Variants in UBE2H observed in about 807,000 individuals in gnomAD.
The protein encoded by UBE2H is ubiquitin conjugating enzyme E2 H, also known as ubiquitin-conjugating enzyme E2 H.
UBE2H carries 3 observed loss-of-function variants against 29.0 expected under a neutral mutation model. The observed-to-expected ratio is 0.10, with a 90% confidence interval of 0.05 to 0.27. The LOEUF (loss-of-function observed/expected upper bound fraction) is 0.27, where lower values mean the gene tolerates loss of function less well. UBE2H is among the 10% of genes least tolerant of loss of function. The probability of loss-of-function intolerance (pLI) is 1.00; values close to 1 mark genes in which losing one functional copy is unlikely to be tolerated. For synonymous variants in UBE2H, 69 were observed against 82.9 expected (o/e 0.83, Z 0.91); for missense variants, 68 against 228.2 (o/e 0.30, Z 4.52).
At chr7:129,908,835 G>C (rs1180351733) in intron 1 of UBE2H, among the ~76,000 whole-genome samples, 1 of 152,136 alleles carries the variant, frequency 6.6e-6, no homozygotes, top group East Asian at 1.9e-4. Flanking sequence ...AAGAAATGGG[G>C]GGTCACAAGA....
At chr7:129,876,203 C>T (rs1806141431) in intron 3 of UBE2H, among the ~76,000 whole-genome samples, 1 of 152,140 alleles carries the variant, frequency 6.6e-6, no homozygotes, top group Admixed American at 6.6e-5. Flanking sequence ...ATCAAACATG[C>T]AGAATCTGTT....
At chr7:129,877,395 G>A (rs993810518) in intron 3 of UBE2H, among the ~76,000 whole-genome samples, 3 of 152,122 alleles carry the variant, frequency 2.0e-5, no homozygotes, top group Non-Finnish European at 4.4e-5. Flanking sequence ...AGGAATCCTT[G>A]CCTTTTCTAA....
chr7:129,896,156 G>A (rs771343067), intron 1 of UBE2H, among the ~76,000 whole-genome samples: 58 of 151,866 alleles, frequency 3.8e-4, no homozygotes, highest in Non-Finnish European at 7.2e-4. Flanking sequence ...CCAATGTGGC[G>A]AAACCCCGTC....
chr7:129,952,454 C>T (rs1355807122), intron 1 of UBE2H, 49 bp downstream of exon 1: 2 of 1,602,152 alleles, frequency 1.2e-6, no homozygotes, highest in South Asian at 1.1e-5. Context: ...CCTGGGCATC[C>T]CCACACCGCC....
At chr7:129,870,059 C>G (rs1278423324) in intron 3 of UBE2H, among the ~76,000 whole-genome samples, 1 of 152,186 alleles carries the variant, frequency 6.6e-6, no homozygotes, top group Admixed American at 6.5e-5. Flanking sequence ...AGATGAAAGC[C>G]AATTGGCAGG....
At chr7:129,941,806 T>C (rs957008405) in intron 1 of UBE2H, among the ~76,000 whole-genome samples, 10 of 152,106 alleles carry the variant, frequency 6.6e-5, no homozygotes, top group African/African-American at 2.2e-4. Flanking sequence ...TCAGAAAGAA[T>C]GTAACAACAA....
In UBE2H at chr7:129,834,797, A is replaced by G. The variant is rs1805292275; in HGVS notation, c.*140T>C. The G allele has an allele frequency of 1.1e-6, 1 of 921,058 alleles. No homozygotes were observed. Among genetic ancestry groups the G allele is most frequent in the Non-Finnish European group, 1.6e-6 (1 of 641,872 alleles). The allele number at this position is 921,058 out of a possible 1,614,324, so 57.1% of individuals were successfully genotyped here. ...AATCAAGATCTAAAGGGTGATATAT[A>G]ATATATATATATCAATGCTATTATT... On this transcript the variant is annotated 3_prime_UTR_variant, in exon 7 of 7. Coordinates refer to ENST00000355621, the MANE Select transcript of UBE2H (RefSeq NM_003344.4).
chr7:129,887,659 C>T (rs1050370886), intron 1 of UBE2H, among the ~76,000 whole-genome samples: 6 of 145,284 alleles, frequency 4.1e-5, no homozygotes, highest in African/African-American at 1.5e-4. Context: ...CAAAGACTGG[C>T]TGGGTGAGGT....
At chr7:129,867,341 C>T (rs1394094840) in intron 3 of UBE2H, among the ~76,000 whole-genome samples, 1 of 147,062 alleles carries the variant, frequency 6.8e-6, no homozygotes, top group Non-Finnish European at 1.5e-5. Flanking sequence ...AAATGTGGCA[C>T]ATATACACCA....
intron 1 of UBE2H, among the ~76,000 whole-genome samples, chr7:129,934,940 T>C (rs965549653): frequency 6.7e-6 from 1 of 150,092 alleles, no homozygotes; most frequent in Non-Finnish European, 1.5e-5. Flanking sequence ...TGTATATATA[T>C]ATATATGTGT....
chr7:129,862,842 T>A (rs1805827667), intron 3 of UBE2H, among the ~76,000 whole-genome samples: 1 of 152,078 alleles, frequency 6.6e-6, no homozygotes. Flanking sequence ...GCCTGAACAG[T>A]GACATATTCA....
intron 1 of UBE2H, among the ~76,000 whole-genome samples, chr7:129,939,828 G>A (rs1269417475): frequency 2.0e-5 from 3 of 151,876 alleles, no homozygotes; most frequent in East Asian, 1.9e-4. Context: ...GCATGGTGGC[G>A]CGTGCCTGTA....
intron 1 of UBE2H, among the ~76,000 whole-genome samples, chr7:129,919,100 T>TAAAA (rs1204331286): frequency 0.012 from 850 of 72,080 alleles, 7 homozygotes; most frequent in Middle Eastern, 0.043. Context: ...AAAAACAAAG[T>TAAAA]AAAAAAAAAA....
At chr7:129,932,802 T>C (rs1393838006) in intron 1 of UBE2H, among the ~76,000 whole-genome samples, 1 of 122,650 alleles carries the variant, frequency 8.2e-6, no homozygotes, top group East Asian at 2.8e-4. Context: ...AAAAAAGTCC[T>C]GTCAGAACTG....
At chr7:129,914,267 A>G (rs547579699) in intron 1 of UBE2H, among the ~76,000 whole-genome samples, 60 of 152,122 alleles carry the variant, frequency 3.9e-4, no homozygotes, top group Non-Finnish European at 7.8e-4. Context: ...TCCCAGGTTC[A>G]AGCGATTCTC....
chr7:129,932,164 C>T (rs1341079101), intron 1 of UBE2H, among the ~76,000 whole-genome samples: 4 of 147,700 alleles, frequency 2.7e-5, no homozygotes, highest in South Asian at 2.1e-4. Flanking sequence ...GCTCTTGTTG[C>T]CCAGGCTGGA....
intron 1 of UBE2H, among the ~76,000 whole-genome samples, chr7:129,892,641 T>C (rs548033363): frequency 3.3e-5 from 5 of 152,278 alleles, no homozygotes; most frequent in African/African-American, 9.6e-5. Flanking sequence ...TAGGAACAAA[T>C]AAGGAATATA....
intron 1 of UBE2H, among the ~76,000 whole-genome samples, chr7:129,898,693 A>G (rs1197392213): frequency 6.6e-6 from 1 of 152,198 alleles, no homozygotes; most frequent in Non-Finnish European, 1.5e-5. Flanking sequence ...AGGTGCCACC[A>G]TGTGAGATGT....
chr7:129,853,541 T>C (rs997269470), intron 5 of UBE2H, among the ~76,000 whole-genome samples: 2 of 152,244 alleles, frequency 1.3e-5, no homozygotes, highest in African/African-American at 4.8e-5. Context: ...GGCAAGCATC[T>C]TACAAAATTA....
Sources: gnomAD v4.1 joint callset for allele counts (sites outside exome capture counted in the v4.1 genomes callset) on GRCh38, gnomAD v4.1.1 for gene constraint, MANE v1.5 for transcripts, NCBI Gene and HGNC (gene_info 2026-07-23, HGNC 2026-07-21) for gene names.